Variants in GRIK2 observed in about 807,000 individuals in gnomAD.
GRIK2 encodes glutamate ionotropic receptor kainate type subunit 2, also known as glutamate receptor ionotropic, kainate 2.
Under a neutral mutation model 100.3 loss-of-function variants are expected in GRIK2, and 32 were observed. The ratio of observed to expected loss-of-function variants is 0.32; its 90% confidence interval spans 0.24 to 0.43. The LOEUF (loss-of-function observed/expected upper bound fraction) is 0.43, where lower values mean the gene tolerates loss of function less well. GRIK2 is among the 20% of genes least tolerant of loss of function. The pLI, the probability that GRIK2 is intolerant of heterozygous loss-of-function variation, is 1.00. For missense variants in GRIK2, 843 were observed against 1,114.9 expected, an observed-to-expected ratio of 0.76 and a Z score of 3.47; for synonymous variants, 417 against 389.4, an observed-to-expected ratio of 1.07 and a Z score of -0.83.
In GRIK2 at chr6:101,937,108, G is replaced by A. The variant is rs146015098; in HGVS notation, c.2085+8476G>A. Among the ~76,000 whole-genome samples the A allele has an allele frequency of 3.4e-3, 523 of 152,206 alleles. 1 individual carries two copies. The highest frequency in any genetic ancestry group is 0.012 in the African/African-American group (510 of 41,548). ...TGCTACATTTGCAATATGTATTAAC[G>A]CAGCTTTGGGCGCTTTAACTGAATA... On this transcript the variant is annotated intron_variant, in intron 14 of 16. Coordinates refer to ENST00000369134, the MANE Select transcript of GRIK2 (RefSeq NM_021956.5).
At chr6:101,966,133 G>C (rs1792657464) in intron 14 of GRIK2, among the ~76,000 whole-genome samples, 1 of 151,852 alleles carries the variant, frequency 6.6e-6, no homozygotes, top group Non-Finnish European at 1.5e-5. Flanking sequence ...CCGTCATTTT[G>C]CCATTATCAG....
intron 2 of GRIK2, among the ~76,000 whole-genome samples, chr6:101,550,444 C>T (rs945670117): frequency 1.3e-5 from 2 of 152,130 alleles, no homozygotes; most frequent in African/African-American, 4.8e-5. Context: ...GCTTAATTTA[C>T]AGCTTTTTAT....
Position 102,009,649 on chromosome 6 carries a change from TAA to T in GRIK2, c.2086-25691_2086-25690del, listed in dbSNP as rs1249793312. On this transcript the variant is annotated intron_variant, in intron 14 of 16. Coordinates refer to ENST00000369134, the MANE Select transcript of GRIK2 (RefSeq NM_021956.5). ...TATATACAAAAAGTCTTTGATACTC[TAA>T]GTTTCCTTATCAAACTAATGAGTTT... Among the ~76,000 whole-genome samples the T allele has an allele frequency of 9.2e-5, 14 of 152,328 alleles. No homozygotes were observed. The East Asian group carries it at 1.9e-3, about 21-fold the overall frequency.
Position 102,050,819 on chromosome 6 carries a change from G to A in GRIK2, c.2312-4511G>A, listed in dbSNP as rs573216250. Among the ~76,000 whole-genome samples, 3 of 149,830 alleles carry A rather than the reference G, an allele frequency of 2.0e-5. No individual in the cohort carries two copies. The Admixed American group carries it at 2.0e-4, about 10-fold the overall frequency. ...AGGGAGGGAGGACAGAAGGAAGGAAGGAAGCAAGGAAAGAAATAAAGAAGA... is the reference window on the plus strand; with the variant it reads ...AGGGAGGGAGGACAGAAGGAAGGAAAGAAGCAAGGAAAGAAATAAAGAAGA... On this transcript the variant is annotated intron_variant, in intron 15 of 16. Transcript: ENST00000369134.
rs1050900796 is a variant in GRIK2 at position 101,789,527 on chromosome 6, G to A, written c.952-10121G>A. Among the ~76,000 whole-genome samples the A allele has an allele frequency of 2.1e-3, 315 of 152,116 alleles. 2 individuals are homozygous for A. Among genetic ancestry groups the A allele is most frequent in the Admixed American group, 0.018 (274 of 15,254 alleles). ...GATCAGATAGTTGTAGATACATGGC[G>A]TTATTTCTGAGGGCTCTGTTCTGTT... On this transcript the variant is annotated intron_variant, in intron 7 of 16. Transcript: ENST00000369134.
chr6:101,639,598 G>GCACA (rs1781188425), intron 4 of GRIK2, among the ~76,000 whole-genome samples: 1 of 150,990 alleles, frequency 6.6e-6, no homozygotes, highest in African/African-American at 2.4e-5. Flanking sequence ...CTCAATACAT[G>GCACA]CATACATACA....
chr6:101,929,876 GTTAT>G (rs1251972240), intron 14 of GRIK2, among the ~76,000 whole-genome samples: 1 of 152,058 alleles, frequency 6.6e-6, no homozygotes, highest in African/African-American at 2.4e-5. Flanking sequence ...GAAAATCACT[GTTAT>G]TTAATCAAAT....
At chr6:101,483,101 G>A (rs1772622576) in intron 2 of GRIK2, among the ~76,000 whole-genome samples, 1 of 152,112 alleles carries the variant, frequency 6.6e-6, no homozygotes, top group African/African-American at 2.4e-5. Flanking sequence ...AATGCATTGT[G>A]GCAGTCTTAC....
chr6:101,550,157 G>A (rs1428070950), intron 2 of GRIK2, among the ~76,000 whole-genome samples: 2 of 152,154 alleles, frequency 1.3e-5, no homozygotes, highest in Non-Finnish European at 2.9e-5. Context: ...CAGGAGAATA[G>A]GAGACCTTAA....
intron 14 of GRIK2, among the ~76,000 whole-genome samples, chr6:101,972,019 T>C (rs1476947048): frequency 6.6e-6 from 1 of 152,010 alleles, no homozygotes; most frequent in African/African-American, 2.4e-5. Context: ...GTGTTGATTC[T>C]ATGTCTTTGC....
At chr6:101,557,335 G>A (rs1384864069) in intron 2 of GRIK2, among the ~76,000 whole-genome samples, 1 of 152,098 alleles carries the variant, frequency 6.6e-6, no homozygotes, top group African/African-American at 2.4e-5. Context: ...ATAAAGTGAA[G>A]ATTTATATGG....
At chr6:101,766,295 G>T (rs1778041395) in intron 7 of GRIK2, among the ~76,000 whole-genome samples, 1 of 152,070 alleles carries the variant, frequency 6.6e-6, no homozygotes, top group South Asian at 2.1e-4. Flanking sequence ...TTAAAGTGAA[G>T]TAGCTATATT....
chr6:101,996,905 C>A (rs1347301952), intron 14 of GRIK2, among the ~76,000 whole-genome samples: 1 of 152,098 alleles, frequency 6.6e-6, no homozygotes, highest in East Asian at 1.9e-4. Flanking sequence ...TCTCAAATGG[C>A]TTTAAGCCCT....
intron 7 of GRIK2, among the ~76,000 whole-genome samples, chr6:101,724,065 C>T (rs1314908356): frequency 6.6e-6 from 1 of 151,486 alleles, no homozygotes; most frequent in Non-Finnish European, 1.5e-5. Flanking sequence ...TCTGTTTTGC[C>T]CTGGACATTT....
intron 11 of GRIK2, among the ~76,000 whole-genome samples, chr6:101,863,109 G>A (rs115196642): frequency 3.9e-5 from 6 of 152,064 alleles, no homozygotes; most frequent in South Asian, 2.1e-4. Flanking sequence ...GTTTTTCACC[G>A]CCCATGTAGC....
intron 14 of GRIK2, among the ~76,000 whole-genome samples, chr6:101,939,227 C>T (rs2128475031): frequency 6.6e-6 from 1 of 152,174 alleles, no homozygotes; most frequent in Admixed American, 6.6e-5. Context: ...TGAAATCCTA[C>T]ATTCCTCAAT....
chr6:101,737,553 G>T (rs904866697), intron 7 of GRIK2, among the ~76,000 whole-genome samples: 1 of 152,142 alleles, frequency 6.6e-6, no homozygotes, highest in Admixed American at 6.5e-5. Flanking sequence ...AACAGCAGGA[G>T]AGAGACTCGC....
At chr6:101,908,317 C>CAATTTTTTTTTAGGCAA (rs1562480116) in intron 12 of GRIK2, among the ~76,000 whole-genome samples, 4 of 6,050 alleles carry the variant, frequency 6.6e-4, no homozygotes, top group African/African-American at 2.4e-3. Flanking sequence ...GCAAAAACCA[C>CAATTTTTTTTTAGGCAA]AATTATTTTG....
chr6:102,039,641 T>C (rs1770462416), intron 15 of GRIK2, among the ~76,000 whole-genome samples: 1 of 151,520 alleles, frequency 6.6e-6, no homozygotes, highest in Non-Finnish European at 1.5e-5. Context: ...CTCTCCTGAC[T>C]GCCTGTACTT....
Sources: gnomAD v4.1 joint callset for allele counts (sites outside exome capture counted in the v4.1 genomes callset) on GRCh38, gnomAD v4.1.1 for gene constraint, MANE v1.5 for transcripts, NCBI Gene and HGNC (gene_info 2026-07-23, HGNC 2026-07-21) for gene names.